Variants in NAT2 observed in about 807,000 individuals in gnomAD.
NAT2 encodes the protein N-acetyltransferase 2, also known as arylamine N-acetyltransferase 2.
For synonymous variants in NAT2, 137 were observed against 125.9 expected, an observed-to-expected ratio of 1.09 and a Z score of -0.59; for missense variants, 428 against 339.1, an observed-to-expected ratio of 1.26 and a Z score of -2.06.
chr8:18,387,039 G>A (rs1326316655), upstream of NAT2: 1 of 152,304 alleles, frequency 6.6e-6, no homozygotes, highest in Non-Finnish European at 1.5e-5. Flanking sequence ...AGCCCCAGGT[G>A]GGAAAGGCCC....
chr8:18,395,002 A>G (rs1800660068), intron 1 of NAT2, among the ~76,000 whole-genome samples: 2 of 152,208 alleles, frequency 1.3e-5, no homozygotes, highest in South Asian at 2.1e-4. Flanking sequence ...CTAAAAAGAA[A>G]AAAATTTTGA....
rs752134988 is a variant in NAT2 at position 18,400,885 on chromosome 8, A to G, written c.*9A>G. On this transcript the variant is annotated 3_prime_UTR_variant, in exon 2 of 2. Transcript: ENST00000286479. ...GATCCCTTACTATTTAGAATAAGGA[A>G]CAAAATAAACCCTTGTGTATGTATC... 5.1e-6 allele frequency: 8 copies of G among 1,563,140 alleles called. No individual in the cohort carries two copies.
chr8:18,397,314 G>C (rs1412089884), intron 1 of NAT2, among the ~76,000 whole-genome samples: 2 of 151,976 alleles, frequency 1.3e-5, no homozygotes, highest in Non-Finnish European at 2.9e-5. Flanking sequence ...ATGAAACAAA[G>C]TAAAAAGGAA....
chr8:18,389,780 C>A (rs552254881), upstream of NAT2, among the ~76,000 whole-genome samples: 7 of 152,240 alleles, frequency 4.6e-5, no homozygotes, highest in African/African-American at 1.4e-4. Flanking sequence ...TTATAATAAC[C>A]AGGAGTAGGA....
intron 1 of NAT2, among the ~76,000 whole-genome samples, chr8:18,395,379 C>A (rs1429928216): frequency 1.3e-5 from 2 of 151,924 alleles, no homozygotes; most frequent in East Asian, 1.9e-4. Context: ...AACAATTTAA[C>A]ATAATAATTA....
At chr8:18,388,492 G>C (rs1207027758), upstream of NAT2, among the ~76,000 whole-genome samples, 1 of 49,242 alleles carries the variant, frequency 2.0e-5, no homozygotes, top group African/African-American at 7.8e-5. Context: ...AAATGTTAAA[G>C]TAGATAATAA....
At chr8:18,393,137 A>C (rs1468492291) in intron 1 of NAT2, among the ~76,000 whole-genome samples, 1 of 151,962 alleles carries the variant, frequency 6.6e-6, no homozygotes, top group Non-Finnish European at 1.5e-5. Flanking sequence ...TGAGGGTAAA[A>C]TATTTTGATT....
At chr8:18,388,978 T>C (rs1363297137), upstream of NAT2, among the ~76,000 whole-genome samples, 2 of 152,160 alleles carry the variant, frequency 1.3e-5, no homozygotes, top group East Asian at 3.9e-4. Context: ...CTCTCTGACA[T>C]CTCACACTCC....
Position 18,400,683 on chromosome 8 carries a change from C to G in NAT2, c.680C>G (p.Thr227Ser). Residue 227 changes from threonine (T) to serine (S), a missense_variant, in exon 2 of 2, where the codon ACC becomes AGC. Thr to Ser is a moderately conservative substitution (Grantham distance 58, BLOSUM62 1). Coordinates refer to ENST00000286479, the MANE Select transcript of NAT2 (RefSeq NM_000015.3). ...FITTSFCSLQTPEGVYCLVGF... is the reference protein window; with the variant it reads ...FITTSFCSLQSPEGVYCLVGF... Reference sequence around the variant, plus strand: ...ACCACATCATTTTGTTCCTTGCAGACCCCAGAAGGGGTTTACTGTTTGGTG... The same window carrying G: ...ACCACATCATTTTGTTCCTTGCAGAGCCCAGAAGGGGTTTACTGTTTGGTG... The G allele has an allele frequency of 6.2e-7, 1 of 1,613,914 alleles. No individual in the cohort carries two copies.
chr8:18,399,906 G>A (rs191362381), intron 1 of NAT2, 92 bp from the exon 2 acceptor site: 119 of 1,343,284 alleles, frequency 8.9e-5, no homozygotes, highest in South Asian at 2.6e-4. Flanking sequence ...GTGTTTTTAC[G>A]TATTTAAAAT....
chr8:18,400,638 C>G lies in NAT2; in HGVS notation c.635C>G (p.Ser212Cys). 1.2e-6 allele frequency: 2 copies of G among 1,614,022 alleles called. No homozygotes were observed. Among genetic ancestry groups the G allele is most frequent in the African/African-American group, 2.7e-5 (2 of 75,032 alleles). Residue 212 changes from serine to cysteine, a missense_variant, in exon 2 of 2, where the codon TCT (serine) becomes TGT (cysteine). Physicochemically the swap from Ser to Cys is moderately radical, Grantham distance 112 (BLOSUM62 -1). Transcript: ENST00000286479. ...FESMNTYLQT[S>C]PTSSFITTSF... Reference sequence around the variant, plus strand: ...TCTATGAATACATACCTGCAGACGTCTCCAACATCTTCATTTATAACCACA... The same window carrying G: ...TCTATGAATACATACCTGCAGACGTGTCCAACATCTTCATTTATAACCACA...
At chr8:18,393,371 C>T (rs917236602) in intron 1 of NAT2, among the ~76,000 whole-genome samples, 2 of 151,986 alleles carry the variant, frequency 1.3e-5, no homozygotes, top group Admixed American at 6.6e-5. Context: ...TAAATATCTA[C>T]GTCCCATTCC....
chr8:18,400,267 G>A lies in NAT2; in HGVS notation c.264G>A (p.Met88Ile). 1.2e-6 allele frequency: 2 copies of A among 1,613,374 alleles called. No homozygotes were observed. Among genetic ancestry groups the A allele is most frequent in the Non-Finnish European group, 1.7e-6 (2 of 1,179,608 alleles). Residue 88 changes from methionine to isoleucine, a missense_variant, in exon 2 of 2, where the codon ATG (methionine) becomes ATA (isoleucine). Coordinates refer to ENST00000286479, the MANE Select transcript of NAT2 (RefSeq NM_000015.3). ...ALTTIGFQTT[M>I]LGGYFYIPPV... ...CCACAATCGGTTTTCAGACCACAAT[G>A]TTAGGAGGGTATTTTTACATCCCTC... is the stretch of plus-strand genomic sequence containing the variant.
upstream of NAT2, chr8:18,387,318 G>C (rs1800520688): frequency 6.6e-6 from 1 of 152,132 alleles, no homozygotes; most frequent in South Asian, 2.1e-4. Context: ...GCAGGCGCTA[G>C]GCGTTCCGGA....
chr8:18,398,522 G>A (rs1800730258), intron 1 of NAT2, among the ~76,000 whole-genome samples: 2 of 152,266 alleles, frequency 1.3e-5, no homozygotes, highest in South Asian at 4.2e-4. Flanking sequence ...AGGAGGCCAG[G>A]AGAAGGCCAA....
At chr8:18,396,153 A>G (rs1800686734) in intron 1 of NAT2, among the ~76,000 whole-genome samples, 1 of 152,090 alleles carries the variant, frequency 6.6e-6, no homozygotes, top group South Asian at 2.1e-4. Flanking sequence ...ATTTTTATAA[A>G]TCTTTTACAA....
upstream of NAT2, among the ~76,000 whole-genome samples, chr8:18,390,026 A>G (rs2117609689): frequency 6.6e-6 from 1 of 152,370 alleles, no homozygotes; most frequent in South Asian, 2.1e-4. Context: ...TAATCCCAGT[A>G]GACAACACCA....
At chr8:18,387,981 C>T (rs1186550708), upstream of NAT2, among the ~76,000 whole-genome samples, 1 of 152,194 alleles carries the variant, frequency 6.6e-6, no homozygotes, top group African/African-American at 2.4e-5. Flanking sequence ...TTCAGTTAGG[C>T]CCTTGTAATT....
upstream of NAT2, chr8:18,387,874 C>G (rs1319209732): frequency 6.6e-6 from 1 of 152,570 alleles, no homozygotes; most frequent in Non-Finnish European, 1.5e-5. Flanking sequence ...ACGTGACTTT[C>G]GAAAGTGCTT....
Sources: allele counts gnomAD v4.1 joint callset (sites outside exome capture counted in the v4.1 genomes callset), GRCh38; gene constraint gnomAD v4.1.1; transcripts MANE v1.5; gene names NCBI Gene and HGNC (gene_info 2026-07-23, HGNC 2026-07-21).